Variants in SH3BGRL2 observed in about 807,000 individuals in gnomAD.
The protein encoded by SH3BGRL2 is SH3 domain-binding glutamic acid-rich-like protein 2.
In SH3BGRL2, 21 loss-of-function variants were observed where a neutral mutation model predicts 14.8. That is an observed-to-expected ratio of 1.42 (90% CI 1.01 to 2.05). SH3BGRL2 has a LOEUF of 2.05. Ranked by LOEUF, SH3BGRL2 falls within the 30% of genes most tolerant of loss-of-function variation. The pLI is 0.00. For missense variants in SH3BGRL2, 147 were observed against 130.8 expected, an observed-to-expected ratio of 1.12 and a Z score of -0.61; for synonymous variants, 50 against 47.8, an observed-to-expected ratio of 1.05 and a Z score of -0.19.
the SH3BGRL2 span, among the ~76,000 whole-genome samples, chr6:79,571,864 A>AGG: frequency 6.6e-6 from 1 of 152,146 alleles, no homozygotes; most frequent in Non-Finnish European, 1.5e-5. Flanking sequence ...TATGTTTGTG[A>AGG]GGTTTACCCA....
At chr6:79,639,207 G>GA (rs1255449338) in intron 1 of SH3BGRL2, among the ~76,000 whole-genome samples, 12 of 152,000 alleles carry the variant, frequency 7.9e-5, no homozygotes. Flanking sequence ...TGACAGAATA[G>GA]AAAAAAATCT....
intron 1 of SH3BGRL2, among the ~76,000 whole-genome samples, chr6:79,670,793 AT>A (rs1357583038): frequency 1.3e-5 from 2 of 152,134 alleles, no homozygotes; most frequent in African/African-American, 4.8e-5. Flanking sequence ...ATTTTCACAT[AT>A]TTATGGTGTT....
the SH3BGRL2 span, among the ~76,000 whole-genome samples, chr6:79,623,301 CAAA>C: frequency 2.0e-4 from 28 of 141,686 alleles, no homozygotes; most frequent in African/African-American, 3.4e-4. Context: ...GACTCTGCCT[CAAA>C]AAAAAAAAAA....
the SH3BGRL2 span, among the ~76,000 whole-genome samples, chr6:79,559,964 A>G: frequency 3.3e-5 from 5 of 152,198 alleles, no homozygotes; most frequent in Non-Finnish European, 5.9e-5. Context: ...GTTTCTAAAT[A>G]AAAGGTAAGA....
intron 1 of SH3BGRL2, among the ~76,000 whole-genome samples, chr6:79,670,582 T>C (rs1034315204): frequency 6.6e-6 from 1 of 152,254 alleles, no homozygotes; most frequent in Non-Finnish European, 1.5e-5. Context: ...ACAGTATTTC[T>C]GAAGTCATTT....
intron 2 of SH3BGRL2, among the ~76,000 whole-genome samples, chr6:79,677,956 T>C (rs766629513): frequency 3.6e-4 from 55 of 152,250 alleles, no homozygotes; most frequent in South Asian, 1.5e-3. Flanking sequence ...ATGGCCAAGG[T>C]TTTAACCCTT....
rs563607255 is a variant in SH3BGRL2 at position 79,650,245 on chromosome 6, A to G, written c.45+18739A>G. Among the ~76,000 whole-genome samples, 14 of 152,274 alleles carry G rather than the reference A, an allele frequency of 9.2e-5. 1 individual carries two copies. Among genetic ancestry groups the G allele is most frequent in the South Asian group, 2.1e-4 (1 of 4,828 alleles). On this transcript the variant is annotated intron_variant, in intron 1 of 3. Coordinates refer to ENST00000369838, the MANE Select transcript of SH3BGRL2 (RefSeq NM_031469.4). ...GAAAGATACAAAAGTTCCCAGTGGCAGTTATGTAGGACAGAAATAGCATTG... is the reference window on the plus strand; with the variant it reads ...GAAAGATACAAAAGTTCCCAGTGGCGGTTATGTAGGACAGAAATAGCATTG...
intron 1 of SH3BGRL2, among the ~76,000 whole-genome samples, chr6:79,649,246 G>T (rs916242813): frequency 6.6e-6 from 1 of 152,138 alleles, no homozygotes. Context: ...TGGACTCTGG[G>T]AATGTCAGCA....
chr6:79,657,629 T>G (rs1487781992), intron 1 of SH3BGRL2, among the ~76,000 whole-genome samples: 1 of 152,096 alleles, frequency 6.6e-6, no homozygotes, highest in Non-Finnish European at 1.5e-5. Context: ...TTAATTTTTT[T>G]TTTTGAGGCG....
intron 1 of SH3BGRL2, among the ~76,000 whole-genome samples, chr6:79,641,150 T>TTGTGTGTGTGTGTGTG (rs373404859): frequency 7.1e-6 from 1 of 141,312 alleles, no homozygotes; most frequent in Non-Finnish European, 1.5e-5. Context: ...TCTCACCCTT[T>TTGTGTGTGTGTGTGTG]TGTGTGTGTG....
intron 1 of SH3BGRL2, among the ~76,000 whole-genome samples, chr6:79,636,148 C>T (rs879568703): frequency 1.3e-5 from 2 of 152,130 alleles, no homozygotes; most frequent in African/African-American, 2.4e-5. Context: ...TATTTATTCC[C>T]ATTTTCCAGA....
chr6:79,650,218 C>G (rs1769259030), intron 1 of SH3BGRL2, among the ~76,000 whole-genome samples: 1 of 152,066 alleles, frequency 6.6e-6, no homozygotes, highest in African/African-American at 2.4e-5. Flanking sequence ...GTAGAGATTT[C>G]AGAAAGATAC....
At chr6:79,596,160 G>GT in the SH3BGRL2 span, among the ~76,000 whole-genome samples, 41 of 152,230 alleles carry the variant, frequency 2.7e-4, no homozygotes, top group Non-Finnish European at 5.1e-4. Context: ...AACCTTCTGG[G>GT]TTTTTTGGTG....
the SH3BGRL2 span, among the ~76,000 whole-genome samples, chr6:79,546,779 G>A: frequency 1.3e-5 from 2 of 150,184 alleles, no homozygotes; most frequent in African/African-American, 2.5e-5. Flanking sequence ...TGTAACCTCC[G>A]CCTGGGTTCA....
chr6:79,541,467 A>T, the SH3BGRL2 span, among the ~76,000 whole-genome samples: 1 of 152,050 alleles, frequency 6.6e-6, no homozygotes, highest in African/African-American at 2.4e-5. Flanking sequence ...TGTCTCTTGG[A>T]TGTACTTTTC....
chr6:79,620,200 G>A, the SH3BGRL2 span, among the ~76,000 whole-genome samples: 1 of 151,792 alleles, frequency 6.6e-6, no homozygotes, highest in Non-Finnish European at 1.5e-5. Flanking sequence ...TTTCTTGCTG[G>A]ATAATTATTT....
intron 2 of SH3BGRL2, among the ~76,000 whole-genome samples, chr6:79,679,482 C>G (rs935687238): frequency 1.3e-5 from 2 of 151,344 alleles, no homozygotes; most frequent in Admixed American, 6.6e-5. Context: ...ATTTAAGTTC[C>G]TTATAAATTC....
At chr6:79,591,724 T>C in the SH3BGRL2 span, among the ~76,000 whole-genome samples, 1 of 152,182 alleles carries the variant, frequency 6.6e-6, no homozygotes, top group East Asian at 1.9e-4. Context: ...CTGAATTTTT[T>C]CATACCAAAG....
At chr6:79,564,100 ACT>A in the SH3BGRL2 span, among the ~76,000 whole-genome samples, 42 of 152,270 alleles carry the variant, frequency 2.8e-4, no homozygotes, top group Non-Finnish European at 5.7e-4. Flanking sequence ...AAAACTGGTA[ACT>A]CATACTGAAT....
Sources: allele counts gnomAD v4.1 joint callset (sites outside exome capture counted in the v4.1 genomes callset), GRCh38; gene constraint gnomAD v4.1.1; transcripts MANE v1.5; gene names NCBI Gene and HGNC (gene_info 2026-07-23, HGNC 2026-07-21).